The following NPHS1 variants were observed in gnomAD, a reference collection of about 807,000 sequenced individuals.
The protein encoded by NPHS1 is nephrin.
NPHS1 carries 107 observed loss-of-function variants against 139.7 expected under a neutral mutation model. That is an observed-to-expected ratio of 0.77 (90% confidence interval 0.66 to 0.90). The LOEUF (loss-of-function observed/expected upper bound fraction) is 0.90, where lower values mean the gene tolerates loss of function less well. Among genes scored for constraint, NPHS1 ranks in the 40% least tolerant of loss-of-function variants. The probability of loss-of-function intolerance (pLI) is 0.00; values close to 1 mark genes in which losing one functional copy is unlikely to be tolerated. For synonymous variants in NPHS1, 707 were observed against 706.6 expected (o/e 1.00, Z -0.01); for missense variants, 1,580 against 1,654.2 (o/e 0.96, Z 0.78).
rs757016566 is a variant in NPHS1 at position 35,841,701 on chromosome 19, C to A, written c.2815+14G>T. The A allele has an allele frequency of 6.8e-6, 11 of 1,613,980 alleles. No individual in the cohort carries two copies. In the East Asian group the frequency reaches 2.0e-4, roughly 29 times the overall value. ...GAGCACCCCCTCCCCAACACCCTCA[C>A]AGCCCCTCCATACTGATGCTGACAA... On this transcript the variant is annotated intron_variant, in intron 20 of 28. Coordinates refer to ENST00000378910, the MANE Select transcript of NPHS1 (RefSeq NM_004646.4).
intron 3 of NPHS1, 64 bp downstream of exon 3, chr19:35,851,198 G>T (rs1333197543): frequency 1.2e-6 from 2 of 1,613,300 alleles, no homozygotes; most frequent in African/African-American, 2.7e-5. Context: ...TGGACTTCCG[G>T]GTTGCGGGGT....
intron 23 of NPHS1, among the ~76,000 whole-genome samples, chr19:35,833,927 T>C (rs1188523144): frequency 1.3e-5 from 2 of 152,132 alleles, no homozygotes; most frequent in Non-Finnish European, 2.9e-5. Flanking sequence ...GTCTCCAACG[T>C]CTGGGCTCAA....
intron 22 of NPHS1, among the ~76,000 whole-genome samples, chr19:35,838,586 A>G (rs1250815556): frequency 2.0e-5 from 3 of 151,988 alleles, no homozygotes; most frequent in African/African-American, 7.3e-5. Context: ...ATGGTGGCTC[A>G]GGCCTATGAT....
At position 35,851,441 on chromosome 19, in the gene NPHS1, G is replaced by A; in HGVS notation, c.274+16C>T. Reference sequence around the variant, plus strand: ...CTTCCGCTGGTGGCTGAGGGTCTCAGGCTCTGATCCCTTACCTCTAGCAGG... The same window carrying A: ...CTTCCGCTGGTGGCTGAGGGTCTCAAGCTCTGATCCCTTACCTCTAGCAGG... On this transcript the variant is annotated intron_variant, in intron 2 of 28. Transcript: ENST00000378910. 2 of 1,613,136 alleles carry A rather than the reference G, an allele frequency of 1.2e-6. No homozygotes were observed. Among genetic ancestry groups the A allele is most frequent in the Non-Finnish European group, 8.5e-7 (1 of 1,179,782 alleles).
At chr19:35,848,193 T>C in intron 10 of NPHS1, 28 bp from the exon 11 acceptor site, 2 of 1,614,046 alleles carry the variant, frequency 1.2e-6, no homozygotes, top group Non-Finnish European at 1.7e-6. Flanking sequence ...GAAGAATGAC[T>C]TTTTCTCTGT....
Position 35,849,551 on chromosome 19 carries a change from C to T in NPHS1, c.711G>A (p.Leu237=). The T allele has an allele frequency of 6.2e-7, 1 of 1,613,262 alleles. No individual in the cohort carries two copies. Among genetic ancestry groups the T allele is most frequent in the Non-Finnish European group, 8.5e-7 (1 of 1,179,236 alleles). The change falls in exon 6 of 29, where the codon CTG becomes CTA. Residue 237 remains leucine (L), a splice_region_variant and synonymous_variant. Coordinates refer to ENST00000378910, the MANE Select transcript of NPHS1 (RefSeq NM_004646.4). Reference sequence around the variant, plus strand: ...TAGTTGGCCCAGTTCTCCACTTACACAGAACATTCACGGTGAATGAGGCCT... The same window carrying T: ...TAGTTGGCCCAGTTCTCCACTTACATAGAACATTCACGGTGAATGAGGCCT... ...PIKASFTVNV[L]FPPGPPVIEW...
At chr19:35,833,733 G>A (rs184740707) in intron 23 of NPHS1, among the ~76,000 whole-genome samples, 122 of 151,660 alleles carry the variant, frequency 8.0e-4, no homozygotes, top group African/African-American at 2.9e-3. Flanking sequence ...TCTCAACTCT[G>A]TTGCCCAGGC....
chr19:35,849,223 C>T lies in NPHS1; in HGVS notation c.840+13G>A, dbSNP rs565877612. ...ACTGTCCCCCCATTCCCCATGCCCG[C>T]GTTTGCCCTCACCTTCAGCCACTGC... On this transcript the variant is annotated intron_variant, in intron 7 of 28. Transcript: ENST00000378910. 38 of 1,613,842 alleles carry T rather than the reference C, an allele frequency of 2.4e-5. 1 individual carries two copies. In the South Asian group the frequency reaches 3.5e-4, roughly 15 times the overall value.
In NPHS1 at chr19:35,849,665, A is replaced by T. The variant is rs1299365536; in HGVS notation, c.609-12T>A. On this transcript the variant is annotated splice_polypyrimidine_tract_variant and intron_variant, in intron 5 of 28. Coordinates refer to ENST00000378910, the MANE Select transcript of NPHS1 (RefSeq NM_004646.4). ...TCCGGGGTGTCACCCTGGGATGAGA[A>T]GTCAGGGTTATAGAGTCAGAGTCAT... 5.6e-6 allele frequency: 9 copies of T among 1,596,774 alleles called. No individual in the cohort carries two copies. Among genetic ancestry groups the T allele is most frequent in the Non-Finnish European group, 7.7e-6 (9 of 1,164,572 alleles).
chr19:35,850,460 A>T lies in NPHS1; in HGVS notation c.527-15T>A. The T allele has an allele frequency of 1.9e-6, 3 of 1,610,396 alleles. No homozygotes were observed. The highest frequency in any genetic ancestry group is 2.5e-6 in the Non-Finnish European group (3 of 1,176,626). Reference sequence around the variant, plus strand: ...TGTCTGTCCACCTTGGGGCAGCAAGAGGGCTAGAGGGGTTCCAGGCTCCCC... The same window carrying T: ...TGTCTGTCCACCTTGGGGCAGCAAGTGGGCTAGAGGGGTTCCAGGCTCCCC... On this transcript the variant is annotated splice_polypyrimidine_tract_variant and intron_variant, in intron 4 of 28. Coordinates refer to ENST00000378910, the MANE Select transcript of NPHS1 (RefSeq NM_004646.4).
At chr19:35,842,321 C>T in intron 18 of NPHS1, 41 bp from the exon 19 acceptor site, 1 of 1,612,470 alleles carries the variant, frequency 6.2e-7, no homozygotes, top group Non-Finnish European at 8.5e-7. Context: ...ATGTGGGAGA[C>T]ATGAGGGCTG....
At chr19:35,833,923 A>G (rs1204017098) in intron 23 of NPHS1, among the ~76,000 whole-genome samples, 1 of 152,176 alleles carries the variant, frequency 6.6e-6, no homozygotes, top group Non-Finnish European at 1.5e-5. Flanking sequence ...GTTTGTCTCC[A>G]ACGTCTGGGC....
chr19:35,844,114 A>G lies in NPHS1; in HGVS notation c.2201T>C (p.Leu734Pro), dbSNP rs781209508. ...SEGTAEARLR[L>P]DVHYAPTIRA... ...TGGGCGGGGCTCACAGTGCACGTCC[A>G]GCCGCAGCCGCGCTTCCGCGGTGCC... Residue 734 changes from leucine to proline, a missense_variant, in exon 16 of 29, where the codon CTG (leucine) becomes CCG (proline). Coordinates refer to ENST00000378910, the MANE Select transcript of NPHS1 (RefSeq NM_004646.4). The G allele has an allele frequency of 1.9e-6, 3 of 1,607,482 alleles. No individual in the cohort carries two copies. The highest frequency in any genetic ancestry group is 2.7e-5 in the African/African-American group (2 of 74,604).
At position 35,837,953 on chromosome 19, in the gene NPHS1, A is replaced by C. The variant is rs190737386; in HGVS notation, c.3109+1284T>G. Among the ~76,000 whole-genome samples, 1,036 of 151,272 alleles carry C rather than the reference A, an allele frequency of 6.8e-3. 15 individuals carry two copies. The highest frequency in any genetic ancestry group is 0.024 in the African/African-American group (975 of 41,196). On this transcript the variant is annotated intron_variant, in intron 22 of 28. Coordinates refer to ENST00000378910, the MANE Select transcript of NPHS1 (RefSeq NM_004646.4). ...GTTATTCTCTTAAAAAAAAAAAAAA[A>C]AAAAAAACGAAAACTAGTCCAGTCG...
At chr19:35,846,283 C>T in intron 11 of NPHS1, 89 bp from the exon 12 acceptor site, 1 of 1,379,804 alleles carries the variant, frequency 7.2e-7, no homozygotes, top group African/African-American at 1.4e-5. Flanking sequence ...GGGTTGGTGC[C>T]GCCAGCCCAA....
At chr19:35,848,453 A>G (rs1290150964) in intron 9 of NPHS1, 56 bp from the exon 10 acceptor site, 4 of 1,612,500 alleles carry the variant, frequency 2.5e-6, no homozygotes, top group Non-Finnish European at 3.4e-6. Flanking sequence ...CCATCGTGCT[A>G]GAGGCCTGAG....
intron 28 of NPHS1, among the ~76,000 whole-genome samples, chr19:35,830,073 C>T (rs923739961): frequency 5.9e-5 from 9 of 152,230 alleles, no homozygotes; most frequent in Admixed American, 1.3e-4. Flanking sequence ...CTTTCTCTCT[C>T]TTTAACCAGT....
intron 23 of NPHS1, among the ~76,000 whole-genome samples, chr19:35,834,908 A>T (rs1303346284): frequency 2.0e-5 from 3 of 150,986 alleles, no homozygotes; most frequent in Non-Finnish European, 4.4e-5. Flanking sequence ...AAAAATAAAA[A>T]AAAAAAATGC....
intron 20 of NPHS1, 46 bp from the exon 21 acceptor site, chr19:35,839,653 T>C (rs1303712490): frequency 2.8e-6 from 4 of 1,452,196 alleles, no homozygotes; most frequent in Non-Finnish European, 3.9e-6. Flanking sequence ...ACAAAAGAAT[T>C]CCAGAAGATT....
Sources: gnomAD v4.1 joint callset for allele counts (sites outside exome capture counted in the v4.1 genomes callset) on GRCh38, gnomAD v4.1.1 for gene constraint, MANE v1.5 for transcripts, NCBI Gene and HGNC (gene_info 2026-07-23, HGNC 2026-07-21) for gene names.